Variants in C3 observed in about 807,000 individuals in gnomAD.
C3 encodes C3 and PZP-like alpha-2-macroglobulin domain-containing protein 1.
In C3, 97 loss-of-function variants were observed where a neutral mutation model predicts 207.9. That is an observed-to-expected ratio of 0.47 (90% CI 0.40 to 0.55). The LOEUF (loss-of-function observed/expected upper bound fraction) is 0.55. Among genes scored for constraint, C3 ranks in the 20% least tolerant of loss-of-function variants. The pLI is 0.00. For missense variants in C3, 1,684 were observed against 2,171.7 expected (o/e 0.78, Z 4.46); for synonymous variants, 848 against 857.6 (o/e 0.99, Z 0.20).
intron 27 of C3, among the ~76,000 whole-genome samples, chr19:6,690,059 A>C (rs1424929065): frequency 6.6e-6 from 1 of 152,168 alleles, no homozygotes; most frequent in African/African-American, 2.4e-5. Flanking sequence ...CATCTTTCCA[A>C]GCTTCCCTGC....
chr19:6,709,587 C>T, intron 14 of C3, 97 bp downstream of exon 14: 1 of 1,323,504 alleles, frequency 7.6e-7, no homozygotes, highest in Non-Finnish European at 1.1e-6. Context: ...CAGCGCATGC[C>T]CCCCACTGCA....
intron 27 of C3, among the ~76,000 whole-genome samples, chr19:6,689,342 T>TA (rs1918103100): frequency 1.5e-4 from 4 of 25,954 alleles, no homozygotes; most frequent in African/African-American, 5.3e-4. Flanking sequence ...CCTCCCTCCC[T>TA]CCCTCCCTCC....
At chr19:6,711,844 C>T (rs1967929239) in intron 11 of C3, among the ~76,000 whole-genome samples, 2 of 152,234 alleles carry the variant, frequency 1.3e-5, no homozygotes. Context: ...AAACACTACA[C>T]AACCCTCCTT....
At position 6,708,116 on chromosome 19, in the gene C3, TTTTC is replaced by T. The variant is rs141560150; in HGVS notation, c.1846-191_1846-188del. ...CTTCCTTCTCTCTCCTTCCTTCTCT[TTTTC>T]TTTCTCTTTCTCACTCTCTCTCTTT... On this transcript the variant is annotated intron_variant, in intron 14 of 40. Transcript: ENST00000245907. Among the ~76,000 whole-genome samples the T allele has an allele frequency of 0.1, 12,912 of 128,706 alleles. 758 individuals carry two copies. Among genetic ancestry groups the T allele is most frequent in the Non-Finnish European group, 0.12 (7,473 of 62,000 alleles). The allele number at this position is 128,706 out of a possible 152,430, so 84.4% of individuals were successfully genotyped here. A position where few individuals can be genotyped will look rare whatever the true frequency, so the allele number is the denominator to read the frequency against.
intron 14 of C3, among the ~76,000 whole-genome samples, chr19:6,708,356 C>T (rs894605735): frequency 3.9e-5 from 6 of 152,082 alleles, no homozygotes; most frequent in African/African-American, 1.4e-4. Context: ...AGGCTGGTCT[C>T]GAACTCCTGA....
intron 19 of C3, among the ~76,000 whole-genome samples, chr19:6,700,282 ATAT>A (rs10537124): frequency 0.017 from 268 of 16,064 alleles, 118 homozygotes; most frequent in East Asian, 0.098. Context: ...AACATATAAC[ATAT>A]TATATATGTG....
chr19:6,686,684 A>C (rs1918017135), intron 28 of C3, 62 bp downstream of exon 28: 1 of 1,543,378 alleles, frequency 6.5e-7, no homozygotes, highest in South Asian at 1.1e-5. Flanking sequence ...ATCCCAGCTC[A>C]GTATCTCCCG....
At position 6,712,513 on chromosome 19, in the gene C3, G is replaced by A. The variant is rs1967941153; in HGVS notation, c.1114C>T (p.Leu372Phe). 1.2e-6 allele frequency: 2 copies of A among 1,613,976 alleles called. No individual in the cohort carries two copies. Among genetic ancestry groups the A allele is most frequent in the Non-Finnish European group, 1.7e-6 (2 of 1,179,954 alleles). Residue 372 changes from leucine to phenylalanine, a missense_variant, in exon 10 of 41, where the codon CTC becomes TTC. Coordinates refer to ENST00000245907, the MANE Select transcript of C3 (RefSeq NM_000064.4). ...KYFKPGMPFD[L>F]MVFVTNPDGS... ...CTTCCCGCCCCGGGTCTCACCATGA[G>A]GTCAAAGGGCATTCCTGGTTTGAAG...
chr19:6,685,931 G>C (rs1217972477), intron 29 of C3, among the ~76,000 whole-genome samples, 193 bp downstream of exon 29: 2 of 152,214 alleles, frequency 1.3e-5, no homozygotes, highest in Admixed American at 1.3e-4. Flanking sequence ...ACAGCTTGGA[G>C]TACCCAGATT....
intron 33 of C3, 160 bp downstream of exon 33, chr19:6,684,228 C>T: frequency 1.3e-6 from 1 of 752,104 alleles, no homozygotes; most frequent in Non-Finnish European, 2.4e-6. Context: ...ACATGCAAAG[C>T]AAGGACTGTC....
intron 14 of C3, 68 bp downstream of exon 14, chr19:6,709,616 C>A: frequency 2.6e-5 from 26 of 999,492 alleles, no homozygotes; most frequent in Non-Finnish European, 3.1e-5. Flanking sequence ...TCCAGTCCCA[C>A]CCACCTCCCC....
chr19:6,702,085 G>C (rs1299758174), intron 19 of C3, 42 bp downstream of exon 19: 1 of 1,037,980 alleles, frequency 9.6e-7, no homozygotes. Context: ...CAGACACCCT[G>C]GGGTCCCTGC....
intron 40 of C3, 62 bp downstream of exon 40, chr19:6,678,090 T>A: frequency 6.2e-7 from 1 of 1,613,606 alleles, no homozygotes; most frequent in Non-Finnish European, 8.5e-7. Context: ...GTGACAATGG[T>A]GTGGGCGTGG....
intron 17 of C3, among the ~76,000 whole-genome samples, chr19:6,703,748 G>A (rs968172007): frequency 6.6e-6 from 1 of 151,970 alleles, no homozygotes. Context: ...CCCAGACCTG[G>A]TGCAGAACAC....
chr19:6,715,223 C>T (rs1385269799), intron 4 of C3, among the ~76,000 whole-genome samples: 4 of 152,142 alleles, frequency 2.6e-5, no homozygotes, highest in Admixed American at 2.6e-4. Flanking sequence ...GCCTGTAATC[C>T]CAGCACTTTG....
intron 26 of C3, among the ~76,000 whole-genome samples, chr19:6,691,695 G>T (rs2145405293): frequency 6.6e-6 from 1 of 152,128 alleles, no homozygotes; most frequent in African/African-American, 2.4e-5. Context: ...TAAAAACTCA[G>T]ATTCCTAGGC....
At chr19:6,692,676 A>G (rs957192000) in intron 26 of C3, among the ~76,000 whole-genome samples, 5 of 152,186 alleles carry the variant, frequency 3.3e-5, no homozygotes, top group Non-Finnish European at 7.3e-5. Context: ...TGGTTTAATG[A>G]AATTCTTAAT....
At chr19:6,699,243 C>CTTTTTTTTTTTTTTT (rs58493671) in intron 19 of C3, among the ~76,000 whole-genome samples, 1 of 131,278 alleles carries the variant, frequency 7.6e-6, no homozygotes, top group Non-Finnish European at 1.6e-5. Context: ...CTTTTCTTTT[C>CTTTTTTTTTTTTTTT]TTTTTTTTTT....
At chr19:6,707,393 G>A (rs1967804115) in intron 16 of C3, 73 bp downstream of exon 16, 1 of 1,601,132 alleles carries the variant, frequency 6.2e-7, no homozygotes, top group African/African-American at 1.3e-5. Context: ...CTCCCTCTCT[G>A]GCTCCTGCAC....
Sources: gnomAD v4.1 joint callset for allele counts (sites outside exome capture counted in the v4.1 genomes callset) on GRCh38, gnomAD v4.1.1 for gene constraint, MANE v1.5 for transcripts, NCBI Gene and HGNC (gene_info 2026-07-23, HGNC 2026-07-21) for gene names.